Variants in TEAD1 observed in about 807,000 individuals in gnomAD.
TEAD1 encodes transcriptional enhancer factor TEF-1.
TEAD1 carries 9 observed loss-of-function variants against 54.9 expected under a neutral mutation model. The observed-to-expected ratio is 0.16, with a 90% CI of 0.10 to 0.29. The LOEUF (loss-of-function observed/expected upper bound fraction) is 0.29. Among genes scored for constraint, TEAD1 ranks in the 10% least tolerant of loss-of-function variants. TEAD1 has a pLI of 1.00. For missense variants in TEAD1, 387 were observed against 535.9 expected (o/e 0.72, Z 2.74); for synonymous variants, 200 against 187.8 (o/e 1.07, Z -0.53).
At chr11:12,903,042 C>G (rs1589975335) in intron 10 of TEAD1, among the ~76,000 whole-genome samples, 1 of 152,178 alleles carries the variant, frequency 6.6e-6, no homozygotes, top group African/African-American at 2.4e-5. Flanking sequence ...TGGGCTCTGC[C>G]TCAGGGGGCC....
chr11:12,936,973 A>C, intron 12 of TEAD1, 136 bp from the exon 13 acceptor site: 1 of 650,626 alleles, frequency 1.5e-6, no homozygotes, highest in Non-Finnish European at 2.8e-6. Context: ...TCTGTGTTAG[A>C]GGACACAGAG....
At chr11:12,689,529 C>T (rs1208990937) in intron 2 of TEAD1, among the ~76,000 whole-genome samples, 3 of 152,258 alleles carry the variant, frequency 2.0e-5, no homozygotes, top group East Asian at 1.9e-4. Flanking sequence ...TGCTGACTCG[C>T]GGAGAAGTGT....
chr11:12,845,595 A>C (rs1947129953), intron 3 of TEAD1, among the ~76,000 whole-genome samples: 1 of 152,204 alleles, frequency 6.6e-6, no homozygotes, highest in South Asian at 2.1e-4. Flanking sequence ...TGGGAACTGC[A>C]CAGCCAGTGG....
At chr11:12,905,469 A>G (rs1948501945) in intron 10 of TEAD1, among the ~76,000 whole-genome samples, 1 of 152,228 alleles carries the variant, frequency 6.6e-6, no homozygotes, top group Admixed American at 6.5e-5. Context: ...GGAATATTTA[A>G]CCTTTATAAA....
At chr11:12,882,950 G>A (rs1278064091) in intron 8 of TEAD1, 51 bp from the exon 9 acceptor site, 4 of 1,613,998 alleles carry the variant, frequency 2.5e-6, no homozygotes, top group Non-Finnish European at 3.4e-6. Flanking sequence ...TTTGCCTGAG[G>A]CCCAAGGGGA....
chr11:12,752,276 A>G (rs941089564), intron 2 of TEAD1, among the ~76,000 whole-genome samples: 6 of 146,318 alleles, frequency 4.1e-5, no homozygotes, highest in African/African-American at 7.7e-5. Context: ...TTGAAGTCCA[A>G]CTTACATACA....
intron 9 of TEAD1, among the ~76,000 whole-genome samples, chr11:12,886,388 TC>T (rs1288797629): frequency 6.6e-6 from 1 of 152,206 alleles, no homozygotes; most frequent in Non-Finnish European, 1.5e-5. Flanking sequence ...TGGTGTAACA[TC>T]CTTGGGACCT....
intron 3 of TEAD1, among the ~76,000 whole-genome samples, chr11:12,771,852 C>T (rs1252539554): frequency 1.1e-4 from 17 of 152,144 alleles, no homozygotes; most frequent in Non-Finnish European, 4.4e-5. Flanking sequence ...AAGTGATTGC[C>T]TTTTTCAGAA....
intron 3 of TEAD1, among the ~76,000 whole-genome samples, chr11:12,794,526 G>A (rs906927827): frequency 1.3e-5 from 2 of 152,236 alleles, no homozygotes; most frequent in Non-Finnish European, 1.5e-5. Context: ...GTGACAGCCT[G>A]TCTAGGTGAG....
intron 3 of TEAD1, among the ~76,000 whole-genome samples, chr11:12,825,334 C>T (rs2134009164): frequency 6.6e-6 from 1 of 152,284 alleles, no homozygotes; most frequent in South Asian, 2.1e-4. Flanking sequence ...CCTAAAGGAA[C>T]ACATGCCCAA....
rs532883139 is a variant in TEAD1 at position 12,851,144 on chromosome 11, C to T, written c.203-11106C>T. 4 of 938,768 alleles carry T rather than the reference C, an allele frequency of 4.3e-6. No individual in the cohort carries two copies. In the South Asian group the frequency reaches 2.0e-4, roughly 46 times the overall value. 58.2% of individuals were successfully genotyped at this position (938,768 alleles called of 1,614,324 possible). On this transcript the variant is annotated intron_variant, in intron 3 of 12. Coordinates refer to ENST00000527636, the MANE Select transcript of TEAD1 (RefSeq NM_021961.6). ...TGAGCGAGACACGGAAAGAAAAAAACTATTTCATGATCTCACTTATACGTG... is the reference window on the plus strand; with the variant it reads ...TGAGCGAGACACGGAAAGAAAAAAATTATTTCATGATCTCACTTATACGTG...
intron 3 of TEAD1, among the ~76,000 whole-genome samples, chr11:12,785,053 C>T (rs1166073734): frequency 6.6e-6 from 1 of 152,188 alleles, no homozygotes; most frequent in Non-Finnish European, 1.5e-5. Context: ...TGCCCTCTCT[C>T]TGTGTCAGAT....
chr11:12,870,941 G>T (rs1767757495), intron 5 of TEAD1, among the ~76,000 whole-genome samples: 1 of 152,152 alleles, frequency 6.6e-6, no homozygotes, highest in African/African-American at 2.4e-5. Context: ...CAAACTGCAG[G>T]CCTAGAAGAG....
chr11:12,723,295 T>C (rs1474211218), intron 2 of TEAD1, among the ~76,000 whole-genome samples: 1 of 152,184 alleles, frequency 6.6e-6, no homozygotes, highest in Non-Finnish European at 1.5e-5. Flanking sequence ...CAAGGTTGAG[T>C]ATGGCTTTAC....
chr11:12,919,161 T>C (rs1462259098), intron 10 of TEAD1, among the ~76,000 whole-genome samples: 1 of 152,226 alleles, frequency 6.6e-6, no homozygotes, highest in Non-Finnish European at 1.5e-5. Context: ...TGTAATTTGT[T>C]GGGATGGTTT....
intron 10 of TEAD1, among the ~76,000 whole-genome samples, chr11:12,923,375 T>G (rs1329891719): frequency 1.3e-5 from 2 of 152,190 alleles, no homozygotes; most frequent in African/African-American, 4.8e-5. Context: ...GAAGTGTCCC[T>G]GACCCTGGGG....
chr11:12,767,767 G>A (rs1398797868), intron 3 of TEAD1, among the ~76,000 whole-genome samples: 2 of 152,114 alleles, frequency 1.3e-5, no homozygotes, highest in Non-Finnish European at 2.9e-5. Context: ...TACTAGAAGG[G>A]GTACGAGATG....
intron 3 of TEAD1, among the ~76,000 whole-genome samples, chr11:12,780,196 T>A (rs752434866): frequency 6.6e-6 from 1 of 152,138 alleles, no homozygotes; most frequent in Admixed American, 6.5e-5. Context: ...GTAGCAAGGT[T>A]TCTGGATACA....
At chr11:12,693,674 A>G (rs1024602689) in intron 2 of TEAD1, among the ~76,000 whole-genome samples, 7 of 152,198 alleles carry the variant, frequency 4.6e-5, no homozygotes, top group African/African-American at 1.4e-4. Flanking sequence ...TTGTTTCGGT[A>G]ACCGTTGTCC....
Sources: gnomAD v4.1 joint callset for allele counts (sites outside exome capture counted in the v4.1 genomes callset) on GRCh38, gnomAD v4.1.1 for gene constraint, MANE v1.5 for transcripts, NCBI Gene and HGNC (gene_info 2026-07-23, HGNC 2026-07-21) for gene names.